The following ATF6 variants were observed in gnomAD, a reference collection of about 807,000 sequenced individuals.
The protein encoded by ATF6 is cyclic AMP-dependent transcription factor ATF-6 alpha.
In ATF6, 53 loss-of-function variants were observed where a neutral mutation model predicts 83.6. The observed-to-expected ratio is 0.63, with a 90% CI of 0.51 to 0.80. ATF6 has a LOEUF of 0.80. Ranked by LOEUF, ATF6 falls within the 30% of genes least tolerant of loss-of-function variation. The pLI, the probability that ATF6 is intolerant of heterozygous loss-of-function variation, is 0.00. For missense variants in ATF6, 744 were observed against 797.9 expected (o/e 0.93, Z 0.81); for synonymous variants, 288 against 285.8 (o/e 1.01, Z -0.08).
chr1:161,951,734 T>C (rs1688867919), intron 15 of ATF6, among the ~76,000 whole-genome samples: 1 of 152,212 alleles, frequency 6.6e-6, no homozygotes, highest in African/African-American at 2.4e-5. Flanking sequence ...TGTTTGATGA[T>C]TTACCAGTAT....
chr1:161,771,027 C>G (rs1684376693), intron 1 of ATF6, among the ~76,000 whole-genome samples: 1 of 152,142 alleles, frequency 6.6e-6, no homozygotes. Flanking sequence ...TTTAGTCATT[C>G]TAATAGGTGT....
intron 14 of ATF6, among the ~76,000 whole-genome samples, chr1:161,866,604 C>T (rs150148798): frequency 6.6e-6 from 1 of 152,236 alleles, no homozygotes; most frequent in African/African-American, 2.4e-5. Context: ...GCCTTTTTCT[C>T]CTCTCTTTGA....
At chr1:161,928,527 G>T (rs146178492) in intron 15 of ATF6, among the ~76,000 whole-genome samples, 1 of 152,088 alleles carries the variant, frequency 6.6e-6, no homozygotes, top group African/African-American at 2.4e-5. Flanking sequence ...CCTAATTAAA[G>T]CACTTTAAAA....
intron 9 of ATF6, among the ~76,000 whole-genome samples, chr1:161,829,189 CTTTTTTTT>C (rs35619050): frequency 6.9e-5 from 5 of 72,596 alleles, no homozygotes; most frequent in Admixed American, 2.2e-4. Flanking sequence ...TAATGGGAGA[CTTTTTTTT>C]TTTTTTTTTT....
chr1:161,954,942 T>C (rs574830078), intron 15 of ATF6, among the ~76,000 whole-genome samples: 1 of 152,326 alleles, frequency 6.6e-6, no homozygotes, highest in East Asian at 1.9e-4. Flanking sequence ...GAGTGAACCT[T>C]TAATGTTTTG....
chr1:161,794,753 A>G (rs1684972381), intron 6 of ATF6, among the ~76,000 whole-genome samples: 2 of 152,190 alleles, frequency 1.3e-5, no homozygotes, highest in South Asian at 4.1e-4. Context: ...ACCAGCAACA[A>G]CTTATGCCTA....
Position 161,962,314 on chromosome 1 carries a change from A to G in ATF6, c.*3660A>G, listed in dbSNP as rs1689116632. 6.6e-6 allele frequency: 1 copy of G among 152,186 alleles called. No homozygotes were observed. Among genetic ancestry groups the G allele is most frequent in the East Asian group, 1.9e-4 (1 of 5,200 alleles). The allele number at this position is 152,186 out of a possible 1,614,324, so 9.4% of individuals were successfully genotyped here. A position where few individuals can be genotyped will look rare whatever the true frequency, so the allele number is the denominator to read the frequency against. ...TTGATTTTTCAAATCATTTTTAAAG[A>G]GACATCATCCTGACTAAATCTTAGC... On this transcript the variant is annotated 3_prime_UTR_variant, in exon 16 of 16. Coordinates refer to ENST00000367942, the MANE Select transcript of ATF6 (RefSeq NM_007348.4).
intron 15 of ATF6, among the ~76,000 whole-genome samples, chr1:161,934,473 G>A (rs908177212): frequency 1.3e-5 from 2 of 152,164 alleles, no homozygotes; most frequent in Admixed American, 6.5e-5. Flanking sequence ...ATGTTTCCTA[G>A]TGGTGCTGGC....
intron 15 of ATF6, among the ~76,000 whole-genome samples, chr1:161,935,243 G>A (rs953732942): frequency 3.3e-5 from 5 of 152,180 alleles, no homozygotes; most frequent in African/African-American, 1.2e-4. Flanking sequence ...AGGTATAGAT[G>A]TTCCTGTAAA....
intron 1 of ATF6, among the ~76,000 whole-genome samples, chr1:161,776,478 T>C (rs1379276135): frequency 6.6e-6 from 1 of 151,796 alleles, no homozygotes; most frequent in Non-Finnish European, 1.5e-5. Context: ...AAAAGGAAGG[T>C]TGGGAAGGGA....
chr1:161,802,133 C>T lies in ATF6; in HGVS notation c.770C>T (p.Ala257Val). 1 of 1,614,126 alleles carries T rather than the reference C, an allele frequency of 6.2e-7. No individual in the cohort carries two copies. Among genetic ancestry groups the T allele is most frequent in the Non-Finnish European group, 8.5e-7 (1 of 1,180,002 alleles). ...GVLPSAQPVL[A>V]VAGGVTQLPN... ...CTGCCCTCTGCTCAGCCAGTCCTTG[C>T]TGTTGCTGGGGGAGTCACACAGCTC... is the stretch of plus-strand genomic sequence containing the variant. The change falls in exon 7 of 16, where the codon GCT becomes GTT. Residue 257 changes from alanine (A) to valine (V), a missense_variant. Physicochemically the swap from Ala to Val is moderately conservative, Grantham distance 64. Coordinates refer to ENST00000367942, the MANE Select transcript of ATF6 (RefSeq NM_007348.4).
intron 4 of ATF6, among the ~76,000 whole-genome samples, chr1:161,785,101 C>A (rs948906460): frequency 6.6e-6 from 1 of 152,174 alleles, no homozygotes; most frequent in Admixed American, 6.5e-5. Flanking sequence ...TTAATTTGAG[C>A]CCTGTGAGAG....
Position 161,936,748 on chromosome 1 carries a change from AC to A in ATF6, c.1805-21697del, listed in dbSNP as rs369896509. ...AAGGGAAATTTATACCTCCAAACCC[AC>A]TCTAATCCCTGAACTCCAAATGCAT... On this transcript the variant is annotated intron_variant, in intron 15 of 15. Transcript: ENST00000367942. Among the ~76,000 whole-genome samples, 464 of 152,108 alleles carry A rather than the reference AC, an allele frequency of 3.1e-3. 4 individuals are homozygous for A. Among genetic ancestry groups the A allele is most frequent in the African/African-American group, 0.01 (434 of 41,480 alleles).
At position 161,851,824 on chromosome 1, in the gene ATF6, A is replaced by G; in HGVS notation, c.1422A>G (p.Thr474=). The change falls in exon 11 of 16, where the codon ACA becomes ACG. Residue 474 remains threonine (T), a synonymous_variant. Transcript: ENST00000367942. ...PPPCQPLINT[T]ESLRLNHELR... ...CTTGTCAGCCCCTAATTAACACAAC[A>G]GAGTCTCTCAGGTGAGTGTTGTAGA... 6.2e-7 allele frequency: 1 copy of G among 1,611,870 alleles called. No homozygotes were observed. The highest frequency in any genetic ancestry group is 8.5e-7 in the Non-Finnish European group (1 of 1,178,030).
At chr1:161,819,193 A>T (rs867318192) in intron 7 of ATF6, among the ~76,000 whole-genome samples, 1 of 152,214 alleles carries the variant, frequency 6.6e-6, no homozygotes, top group South Asian at 2.1e-4. Flanking sequence ...AGTTAGAGGG[A>T]GATAGTTCAG....
intron 15 of ATF6, among the ~76,000 whole-genome samples, chr1:161,939,696 C>T (rs1254588261): frequency 6.6e-6 from 1 of 152,188 alleles, no homozygotes; most frequent in African/African-American, 2.4e-5. Flanking sequence ...TGTCAGTATT[C>T]TAACCAGCAG....
At chr1:161,872,772 A>T (rs1044034419) in intron 14 of ATF6, among the ~76,000 whole-genome samples, 1 of 151,574 alleles carries the variant, frequency 6.6e-6, no homozygotes, top group Non-Finnish European at 1.5e-5. Context: ...TCCAGAAAAG[A>T]GATAGAAGAG....
chr1:161,868,141 GCTCCAGTGA>G (rs1687047845), intron 14 of ATF6, among the ~76,000 whole-genome samples: 2 of 152,200 alleles, frequency 1.3e-5, no homozygotes, highest in African/African-American at 4.8e-5. Flanking sequence ...TTTGACAGCA[GCTCCAGTGA>G]TTCCACTTTA....
rs573560899 is a variant in ATF6 at position 161,906,410 on chromosome 1, T to C, written c.1720-5886T>C. Among the ~76,000 whole-genome samples the C allele has an allele frequency of 4.6e-5, 7 of 152,348 alleles. No individual in the cohort carries two copies. The East Asian group carries it at 1.2e-3, about 25-fold the overall frequency. On this transcript the variant is annotated intron_variant, in intron 14 of 15. Coordinates refer to ENST00000367942, the MANE Select transcript of ATF6 (RefSeq NM_007348.4). Reference sequence around the variant, plus strand: ...TAAAAAGAGAGGCATATATTACTCTTAGATTGAACCTTATGAAATTACTGA... The same window carrying C: ...TAAAAAGAGAGGCATATATTACTCTCAGATTGAACCTTATGAAATTACTGA...
Sources: gnomAD v4.1 joint callset for allele counts (sites outside exome capture counted in the v4.1 genomes callset) on GRCh38, gnomAD v4.1.1 for gene constraint, MANE v1.5 for transcripts, NCBI Gene and HGNC (gene_info 2026-07-23, HGNC 2026-07-21) for gene names.